ART3: variants seen among roughly 807,000 people sequenced by gnomAD.
ART3 encodes ADP-ribosyltransferase 3 (inactive).
Under a neutral mutation model 48.5 loss-of-function variants are expected in ART3, and 49 were observed. The ratio of observed to expected loss-of-function variants is 1.01; its 90% confidence interval spans 0.80 to 1.28. The LOEUF is 1.28. Among genes scored for constraint, ART3 ranks in the 50% most tolerant of loss-of-function variants. The pLI is 0.00. For synonymous variants in ART3, 145 were observed against 157.2 expected, an observed-to-expected ratio of 0.92 and a Z score of 0.58; for missense variants, 438 against 454.3, an observed-to-expected ratio of 0.96 and a Z score of 0.33.
At chr4:76,046,170 C>G (rs903738466) in intron 1 of ART3, among the ~76,000 whole-genome samples, 3 of 152,120 alleles carry the variant, frequency 2.0e-5, no homozygotes, top group African/African-American at 7.2e-5. Context: ...TCCCTAAACC[C>G]TTGGGGCAAG....
chr4:76,089,454 A>C (rs550990207), intron 3 of ART3, among the ~76,000 whole-genome samples: 1 of 152,244 alleles, frequency 6.6e-6, no homozygotes, highest in Non-Finnish European at 1.5e-5. Context: ...AAAAATGTGT[A>C]GCATCTTCCC....
chr4:76,060,518 A>T (rs1176370733), intron 1 of ART3, among the ~76,000 whole-genome samples: 1 of 152,212 alleles, frequency 6.6e-6, no homozygotes, highest in South Asian at 2.1e-4. Context: ...ATTGGCTAAC[A>T]TGGTAGGCAG....
intron 1 of ART3, among the ~76,000 whole-genome samples, chr4:76,024,716 A>G (rs1373247791): frequency 6.6e-6 from 1 of 152,172 alleles, no homozygotes; most frequent in Non-Finnish European, 1.5e-5. Context: ...GCAATGAGAG[A>G]TCTGAGGCAA....
chr4:76,043,041 C>T (rs550815944), intron 1 of ART3, among the ~76,000 whole-genome samples: 1 of 151,922 alleles, frequency 6.6e-6, no homozygotes, highest in African/African-American at 2.4e-5. Flanking sequence ...CTCCGGGGCC[C>T]CACCAGAATA....
chr4:76,098,505 A>T (rs1477163882), intron 4 of ART3, among the ~76,000 whole-genome samples: 1 of 152,154 alleles, frequency 6.6e-6, no homozygotes, highest in Non-Finnish European at 1.5e-5. Context: ...CATGTAACTT[A>T]AATGAATCCA....
At chr4:76,039,307 CCAGGCTGGTCT>C (rs1387263058) in intron 1 of ART3, among the ~76,000 whole-genome samples, 1 of 152,104 alleles carries the variant, frequency 6.6e-6, no homozygotes, top group East Asian at 1.9e-4. Flanking sequence ...ACCATGTTGG[CCAGGCTGGTCT>C]CAGACCCCTT....
chr4:76,098,967 C>G lies in ART3; in HGVS notation c.827C>G (p.Pro276Arg), dbSNP rs1329003303. 3 of 1,609,232 alleles carry G rather than the reference C, an allele frequency of 1.9e-6. No homozygotes were observed. The highest frequency in any genetic ancestry group is 2.6e-6 in the Non-Finnish European group (3 of 1,175,726). Residue 276 changes from proline to arginine, a missense_variant, in exon 5 of 12, where the codon CCC becomes CGC. Pro to Arg is a moderately radical substitution (Grantham distance 103). Around this residue, in one of 3 missense-constraint regions of ART3, gnomAD observed 227 missense variants for 229.6 expected, o/e 0.99. Transcript: ENST00000355810. Reference sequence around the variant, plus strand: ...GTCTGTATTTCAGAATATTTTCAACCCATCTATGTCTACAACCCTGGTGAG... The same window carrying G: ...GTCTGTATTTCAGAATATTTTCAACGCATCTATGTCTACAACCCTGGTGAG... ...NCIENLEYFQ[P>R]IYVYNPGEKN... is the part of the protein sequence containing the mutation.
chr4:76,060,564 C>A (rs1412844094), intron 1 of ART3, among the ~76,000 whole-genome samples: 1 of 152,070 alleles, frequency 6.6e-6, no homozygotes, highest in African/African-American at 2.4e-5. Context: ...TGCCCTAATT[C>A]CTGGAATCTG....
intron 1 of ART3, among the ~76,000 whole-genome samples, chr4:76,045,479 C>T (rs559630666): frequency 2.7e-4 from 41 of 152,094 alleles, no homozygotes; most frequent in East Asian, 1.7e-3. Flanking sequence ...TAGCCTCTGA[C>T]GCTAAGACAG....
intron 2 of ART3, among the ~76,000 whole-genome samples, chr4:76,081,500 A>G (rs1261012492): frequency 6.6e-6 from 1 of 152,250 alleles, no homozygotes; most frequent in Non-Finnish European, 1.5e-5. Flanking sequence ...AGATGTTCAA[A>G]GCCAGGACTG....
intron 1 of ART3, among the ~76,000 whole-genome samples, chr4:76,026,704 T>A (rs529482509): frequency 2.7e-5 from 4 of 150,122 alleles, no homozygotes; most frequent in Admixed American, 6.7e-5. Context: ...GCTGTTTTTT[T>A]ATCTGTAATT....
intron 1 of ART3, among the ~76,000 whole-genome samples, chr4:76,055,690 C>T (rs1718617844): frequency 6.6e-6 from 1 of 151,854 alleles, no homozygotes; most frequent in South Asian, 2.1e-4. Flanking sequence ...ATCTGAGGGT[C>T]CTGGTGAGAA....
chr4:76,042,035 C>G (rs557073971), intron 1 of ART3, among the ~76,000 whole-genome samples: 6 of 152,298 alleles, frequency 3.9e-5, no homozygotes, highest in Non-Finnish European at 8.8e-5. Flanking sequence ...GGTTCACCCA[C>G]TTAAATAAGT....
Position 76,082,227 on chromosome 4 carries a change from A to G in ART3, c.473A>G (p.Lys158Arg). Residue 158 changes from lysine to arginine, a missense_variant, in exon 3 of 12, where the codon AAA (lysine) becomes AGA (arginine). By Grantham distance (26) the Lys-to-Arg change is conservative. This residue lies in a region of ART3 where 206 missense variants were observed against 205.3 expected (regional missense o/e 1.00). Coordinates refer to ENST00000355810, the MANE Select transcript of ART3 (RefSeq NM_001130016.3). ...LLRKPCEASS[K>R]TVVYRTSQGT... is the part of the protein sequence containing the mutation. ...AGAAAACCTTGTGAGGCCAGTTCCAAAACTGTGGTATATAGAACAAGCCAG... is the reference window on the plus strand; with the variant it reads ...AGAAAACCTTGTGAGGCCAGTTCCAGAACTGTGGTATATAGAACAAGCCAG... The G allele has an allele frequency of 6.2e-7, 1 of 1,614,148 alleles. No homozygotes were observed. The highest frequency in any genetic ancestry group is 8.5e-7 in the Non-Finnish European group (1 of 1,180,034).
At chr4:76,080,440 A>G (rs1013636253) in intron 2 of ART3, among the ~76,000 whole-genome samples, 3 of 152,182 alleles carry the variant, frequency 2.0e-5, no homozygotes, top group Admixed American at 2.0e-4. Context: ...GCATATGTTC[A>G]TTACATAATT....
At chr4:76,048,810 G>A (rs1039628508) in intron 1 of ART3, among the ~76,000 whole-genome samples, 6 of 98,354 alleles carry the variant, frequency 6.1e-5, no homozygotes, top group African/African-American at 1.2e-4. Flanking sequence ...ACAAAAAATC[G>A]GATTTAGTGG....
chr4:76,052,162 C>G (rs1210057738), intron 1 of ART3, among the ~76,000 whole-genome samples: 1 of 152,046 alleles, frequency 6.6e-6, no homozygotes, highest in Non-Finnish European at 1.5e-5. Context: ...GGGCAGATCA[C>G]CTGAAGTCAG....
chr4:76,043,317 C>T (rs6824381), intron 1 of ART3, among the ~76,000 whole-genome samples: 93,163 of 151,312 alleles, frequency 0.62, 29,998 homozygotes, highest in East Asian at 0.94. Flanking sequence ...CTTGGGTGGT[C>T]AATGGGACTG....
chr4:76,044,780 C>G (rs1022466191), intron 1 of ART3, among the ~76,000 whole-genome samples: 3 of 151,880 alleles, frequency 2.0e-5, no homozygotes, highest in African/African-American at 7.2e-5. Context: ...TGGTCTTTCC[C>G]TACCTCTGCC....
Sources: allele counts gnomAD v4.1 joint callset (sites outside exome capture counted in the v4.1 genomes callset), GRCh38; gene constraint gnomAD v4.1.1; regional missense constraint gnomAD v4.1.1; transcripts MANE v1.5; gene names NCBI Gene and HGNC (gene_info 2026-07-23, HGNC 2026-07-21).